The following DZIP3 variants were observed in gnomAD, a reference collection of about 807,000 sequenced individuals.
The protein encoded by DZIP3 is DAZ interacting zinc finger protein 3, also known as E3 ubiquitin-protein ligase DZIP3.
DZIP3 carries 118 observed loss-of-function variants against 162.0 expected under a neutral mutation model. The ratio of observed to expected loss-of-function variants is 0.73; its 90% CI spans 0.63 to 0.85. DZIP3 has a LOEUF of 0.85. Among genes scored for constraint, DZIP3 ranks in the 40% least tolerant of loss-of-function variants. DZIP3 has a pLI of 0.00. For synonymous variants in DZIP3, 438 were observed against 458.6 expected, an observed-to-expected ratio of 0.96 and a Z score of 0.57; for missense variants, 1,331 against 1,407.0, an observed-to-expected ratio of 0.95 and a Z score of 0.86.
chr3:108,661,245 A>G (rs929141812), intron 19 of DZIP3, among the ~76,000 whole-genome samples: 11 of 152,220 alleles, frequency 7.2e-5, no homozygotes, highest in African/African-American at 2.4e-4. Context: ...CAAATGTCCA[A>G]CAATGATAGA....
intron 18 of DZIP3, 43 bp from the exon 19 acceptor site, chr3:108,654,102 T>C (rs2107246567): frequency 1.3e-6 from 2 of 1,592,284 alleles, no homozygotes; most frequent in Non-Finnish European, 1.7e-6. Context: ...TGAAAATTAC[T>C]ATACAATTGT....
chr3:108,620,111 G>T (rs1576369030), intron 5 of DZIP3, among the ~76,000 whole-genome samples: 1 of 152,132 alleles, frequency 6.6e-6, no homozygotes, highest in Admixed American at 6.5e-5. Context: ...AAAGCCATCT[G>T]CAGGTTCCTC....
At chr3:108,633,479 A>G (rs1478057756) in intron 9 of DZIP3, among the ~76,000 whole-genome samples, 1 of 152,050 alleles carries the variant, frequency 6.6e-6, no homozygotes. Flanking sequence ...CTACTAAATA[A>G]GTGATCATTT....
intron 6 of DZIP3, 67 bp from the exon 7 acceptor site, chr3:108,625,778 A>AT (rs1050030229): frequency 1.4e-6 from 2 of 1,413,540 alleles, no homozygotes; most frequent in African/African-American, 3.5e-5. Context: ...TTGAGAAGTA[A>AT]TTGTTTATTG....
chr3:108,636,771 G>A, intron 11 of DZIP3, 63 bp downstream of exon 11: 3 of 1,183,840 alleles, frequency 2.5e-6, no homozygotes, highest in Admixed American at 2.3e-5. Context: ...AAATATTTTT[G>A]ACTTGAAACA....
intron 5 of DZIP3, among the ~76,000 whole-genome samples, chr3:108,623,830 A>G (rs1362836130): frequency 1.3e-5 from 2 of 152,126 alleles, no homozygotes; most frequent in Admixed American, 1.3e-4. Context: ...TGGACAATTT[A>G]CCTATGGCTA....
chr3:108,607,604 C>T (rs995140521), intron 2 of DZIP3, among the ~76,000 whole-genome samples: 4 of 152,114 alleles, frequency 2.6e-5, no homozygotes, highest in African/African-American at 9.7e-5. Flanking sequence ...CCTTATTACT[C>T]AAATAGTTTC....
At chr3:108,651,531 T>C (rs537558347) in intron 18 of DZIP3, among the ~76,000 whole-genome samples, 63 of 151,758 alleles carry the variant, frequency 4.2e-4, no homozygotes, top group Non-Finnish European at 6.4e-4. Context: ...CCTAGGTTTG[T>C]AGCCTAGGAG....
chr3:108,606,306 G>C (rs1940369616), intron 2 of DZIP3, among the ~76,000 whole-genome samples: 1 of 152,124 alleles, frequency 6.6e-6, no homozygotes, highest in South Asian at 2.1e-4. Flanking sequence ...ATACTAAACA[G>C]GGTCGTATTG....
At chr3:108,649,034 A>T in intron 17 of DZIP3, 72 bp downstream of exon 17, 1 of 919,112 alleles carries the variant, frequency 1.1e-6, no homozygotes, top group Non-Finnish European at 1.5e-6. Context: ...CATTGTTAGA[A>T]CTTAAATTAG....
intron 5 of DZIP3, among the ~76,000 whole-genome samples, chr3:108,623,199 GTCCCCTTTACTTTTCCCT>G (rs1321504568): frequency 6.6e-6 from 1 of 151,960 alleles, no homozygotes; most frequent in Non-Finnish European, 1.5e-5. Flanking sequence ...GCAAGACAAA[GTCCCCTTTACTTTTCCCT>G]CTGCCTTTCT....
At chr3:108,690,329 A>G (rs1020755534) in intron 31 of DZIP3, among the ~76,000 whole-genome samples, 1 of 152,210 alleles carries the variant, frequency 6.6e-6, no homozygotes, top group African/African-American at 2.4e-5. Flanking sequence ...TACTGTCATT[A>G]TCGCCAAAGA....
chr3:108,658,549 A>C (rs576157552), intron 19 of DZIP3, among the ~76,000 whole-genome samples: 11 of 152,304 alleles, frequency 7.2e-5, no homozygotes, highest in Admixed American at 2.6e-4. Context: ...GAAAGATCTA[A>C]AATTGACACC....
At position 108,688,192 on chromosome 3, in the gene DZIP3, A is replaced by G. The variant is rs939390508; in HGVS notation, c.3270+96A>G. ...ATCTCCATAACCTGTTCAGAAAATC[A>G]GTAACTTGTAATCATATTAAATCAT... On this transcript the variant is annotated intron_variant, in intron 29 of 32. Coordinates refer to ENST00000361582, the MANE Select transcript of DZIP3 (RefSeq NM_014648.4). 8 of 1,418,482 alleles carry G rather than the reference A, an allele frequency of 5.6e-6. No homozygotes were observed. In the Admixed American group the frequency reaches 6.6e-5, roughly 12 times the overall value. 87.9% of individuals were successfully genotyped at this position (1,418,482 alleles called of 1,614,324 possible). A position where few individuals can be genotyped will look rare whatever the true frequency, so the allele number is the denominator to read the frequency against.
chr3:108,648,870 T>C, intron 16 of DZIP3, 48 bp from the exon 17 acceptor site: 1 of 1,041,466 alleles, frequency 9.6e-7, no homozygotes, highest in Non-Finnish European at 1.3e-6. Flanking sequence ...AAATAACCCA[T>C]TGGGCAATTT....
At chr3:108,594,295 C>T (rs1939589642) in intron 1 of DZIP3, among the ~76,000 whole-genome samples, 1 of 152,046 alleles carries the variant, frequency 6.6e-6, no homozygotes, top group Non-Finnish European at 1.5e-5. Flanking sequence ...CATCCGTATA[C>T]ATTCATCTTT....
At chr3:108,613,935 G>T (rs1378214327) in intron 4 of DZIP3, among the ~76,000 whole-genome samples, 1 of 152,090 alleles carries the variant, frequency 6.6e-6, no homozygotes, top group Non-Finnish European at 1.5e-5. Flanking sequence ...ATACATTTTT[G>T]AACTGAATAA....
intron 21 of DZIP3, among the ~76,000 whole-genome samples, chr3:108,667,973 G>A (rs943535322): frequency 3.9e-5 from 6 of 152,030 alleles, no homozygotes; most frequent in African/African-American, 1.2e-4. Context: ...GCTTTTGAAC[G>A]TTTTCTTCGT....
At chr3:108,612,605 T>A (rs1940774109) in intron 4 of DZIP3, among the ~76,000 whole-genome samples, 2 of 152,256 alleles carry the variant, frequency 1.3e-5, no homozygotes, top group Admixed American at 1.3e-4. Context: ...TGCCCAAGTC[T>A]CTTATGTAAA....
Sources: gnomAD v4.1 joint callset for allele counts (sites outside exome capture counted in the v4.1 genomes callset) on GRCh38, gnomAD v4.1.1 for gene constraint, MANE v1.5 for transcripts, NCBI Gene and HGNC (gene_info 2026-07-23, HGNC 2026-07-21) for gene names.